The following BTBD7 variants were observed in gnomAD, a reference collection of about 807,000 sequenced individuals.
BTBD7 encodes the protein BTB/POZ domain-containing protein 7.
BTBD7 carries 38 observed loss-of-function variants against 99.9 expected under a neutral mutation model. The observed-to-expected ratio is 0.38, with a 90% CI of 0.29 to 0.50. BTBD7 has a LOEUF of 0.50. BTBD7 is among the 20% of genes least tolerant of loss of function. The pLI, the probability that BTBD7 is intolerant of heterozygous loss-of-function variation, is 0.93. For synonymous variants in BTBD7, 520 were observed against 511.4 expected (o/e 1.02, Z -0.23); for missense variants, 1,170 against 1,394.6 (o/e 0.84, Z 2.57).
At chr14:93,257,387 A>G in intron 5 of BTBD7, 32 bp from the exon 6 acceptor site, 1 of 1,576,032 alleles carries the variant, frequency 6.3e-7, no homozygotes, top group Non-Finnish European at 8.6e-7. Context: ...GTTTCCAACC[A>G]AATCCAAATG....
intron 5 of BTBD7, among the ~76,000 whole-genome samples, chr14:93,258,734 G>A (rs1265428844): frequency 1.3e-5 from 2 of 152,058 alleles, no homozygotes; most frequent in East Asian, 1.9e-4. Flanking sequence ...ATAGGCACCC[G>A]CCACCACACG....
chr14:93,258,463 T>G (rs11850719), intron 5 of BTBD7, among the ~76,000 whole-genome samples: 58,994 of 151,976 alleles, frequency 0.39, 12,603 homozygotes, highest in African/African-American at 0.58. Context: ...GACAGGTAAG[T>G]GCAGAATCCT....
At chr14:93,282,335 CTTT>C (rs71129622) in intron 3 of BTBD7, among the ~76,000 whole-genome samples, 4 of 139,974 alleles carry the variant, frequency 2.9e-5, no homozygotes, top group Admixed American at 7.2e-5. Context: ...ATGCTTTTTT[CTTT>C]TTTTTTTTTT....
At chr14:93,284,251 CAAGT>C (rs1277552030) in intron 3 of BTBD7, among the ~76,000 whole-genome samples, 1 of 152,116 alleles carries the variant, frequency 6.6e-6, no homozygotes, top group East Asian at 1.9e-4. Flanking sequence ...AATGAACTGA[CAAGT>C]AAACAGTGAG....
chr14:93,294,107 G>A lies in BTBD7; in HGVS notation c.913C>T (p.Arg305Ter), dbSNP rs1481878620. ...RIRTGEEITD[R>*]TLRTPTRIIL... ...ATTCTTGTGGGAGTCCTCAAAGTTC[G>A]GTCTGTGATTTCTTCACCAGTTCGT... Residue 305 changes from arginine (R) to a stop codon, truncating the protein, a stop_gained, in exon 3 of 11, where the codon CGA (arginine) becomes TGA (stop). Transcript: ENST00000334746. LOFTEE classifies it high-confidence loss of function. 3.1e-6 allele frequency: 5 copies of A among 1,613,986 alleles called. No individual in the cohort carries two copies. Among genetic ancestry groups the A allele is most frequent in the African/African-American group, 1.3e-5 (1 of 74,980 alleles).
intron 1 of BTBD7, among the ~76,000 whole-genome samples, chr14:93,322,954 CA>C (rs201583325): frequency 1.3e-5 from 2 of 150,832 alleles, no homozygotes; most frequent in Non-Finnish European, 3.0e-5. Context: ...CCCATCTCTA[CA>C]AAAAAAAATG....
chr14:93,312,955 A>C (rs2053156061), intron 1 of BTBD7, among the ~76,000 whole-genome samples: 2 of 152,206 alleles, frequency 1.3e-5, no homozygotes, highest in Admixed American at 1.3e-4. Flanking sequence ...TTGGCATGAC[A>C]TATGGTATAC....
chr14:93,257,415 T>C, intron 5 of BTBD7, 60 bp from the exon 6 acceptor site: 2 of 1,529,512 alleles, frequency 1.3e-6, no homozygotes, highest in South Asian at 2.6e-5. Context: ...ACAGGTTTCC[T>C]TTGTTCTCTA....
chr14:93,301,205 T>C (rs1266560761), intron 1 of BTBD7, among the ~76,000 whole-genome samples: 1 of 151,896 alleles, frequency 6.6e-6, no homozygotes, highest in Admixed American at 6.6e-5. Flanking sequence ...TTTTTTTTTT[T>C]TTTGAGACAG....
chr14:93,251,939 C>T (rs1166775048), intron 7 of BTBD7, among the ~76,000 whole-genome samples: 13 of 152,094 alleles, frequency 8.5e-5, no homozygotes, highest in Admixed American at 8.5e-4. Context: ...AAATTACACA[C>T]AATATTATAA....
chr14:93,260,550 AAC>A (rs2052475504), intron 5 of BTBD7, among the ~76,000 whole-genome samples: 1 of 150,954 alleles, frequency 6.6e-6, no homozygotes, highest in African/African-American at 2.4e-5. Context: ...TACCTTCCAC[AAC>A]ATTTTTTTTT....
intron 3 of BTBD7, among the ~76,000 whole-genome samples, chr14:93,270,976 A>G (rs2052595179): frequency 6.6e-6 from 1 of 152,214 alleles, no homozygotes; most frequent in Middle Eastern, 3.2e-3. Context: ...GTAAGCAAAA[A>G]TACCTTCCCT....
chr14:93,297,637 G>A (rs1268578766), intron 1 of BTBD7, among the ~76,000 whole-genome samples: 1 of 152,166 alleles, frequency 6.6e-6, no homozygotes, highest in Non-Finnish European at 1.5e-5. Flanking sequence ...AACCAGTTAA[G>A]TCTAACAAAT....
At chr14:93,317,097 T>C (rs12896142) in intron 1 of BTBD7, among the ~76,000 whole-genome samples, 25,689 of 152,138 alleles carry the variant, frequency 0.17, 2,386 homozygotes, top group East Asian at 0.31. Flanking sequence ...CCTTTGCCTC[T>C]TGGGTTCAAG....
In BTBD7 at chr14:93,242,100, A is replaced by G. The variant is rs2052237326; in HGVS notation, c.*173T>C. On this transcript the variant is annotated 3_prime_UTR_variant, in exon 11 of 11. Coordinates refer to ENST00000334746, the MANE Select transcript of BTBD7 (RefSeq NM_001002860.4). ...AGATGCAACATTAAAAAAAAAAAAC[A>G]AAACCTTCTTAGCATGCCATGTCTA... The G allele has an allele frequency of 1.7e-6, 1 of 590,362 alleles. No homozygotes were observed. Among genetic ancestry groups the G allele is most frequent in the Non-Finnish European group, 2.9e-6 (1 of 349,762 alleles). The allele number at this position is 590,362 out of a possible 1,614,324, so 36.6% of individuals were successfully genotyped here. A position where few individuals can be genotyped will look rare whatever the true frequency, so the allele number is the denominator to read the frequency against.
intron 6 of BTBD7, among the ~76,000 whole-genome samples, 172 bp from the exon 7 acceptor site, chr14:93,253,962 C>CA (rs569429478): frequency 6.8e-6 from 1 of 147,872 alleles, no homozygotes; most frequent in Non-Finnish European, 1.5e-5. Context: ...TTTTTTGAGA[C>CA]AGAGTCTCAC....
chr14:93,309,966 T>TC (rs924586042), intron 1 of BTBD7, among the ~76,000 whole-genome samples: 4 of 58,494 alleles, frequency 6.8e-5, no homozygotes, highest in African/African-American at 5.5e-4. Context: ...TTGGCAGGTG[T>TC]TTTTTTTTCC....
At chr14:93,312,071 A>G (rs1230134854) in intron 1 of BTBD7, among the ~76,000 whole-genome samples, 1 of 152,082 alleles carries the variant, frequency 6.6e-6, no homozygotes, top group African/African-American at 2.4e-5. Flanking sequence ...AACATTTTAC[A>G]TTCCCTGTTT....
At chr14:93,311,088 G>GT (rs2139804256) in intron 1 of BTBD7, among the ~76,000 whole-genome samples, 1 of 152,266 alleles carries the variant, frequency 6.6e-6, no homozygotes, top group Admixed American at 6.5e-5. Flanking sequence ...AAAACAATTA[G>GT]TAATAGCTTC....
Sources: allele counts gnomAD v4.1 joint callset (sites outside exome capture counted in the v4.1 genomes callset), GRCh38; gene constraint gnomAD v4.1.1; transcripts MANE v1.5; gene names NCBI Gene and HGNC (gene_info 2026-07-23, HGNC 2026-07-21).